CADPS: variants seen among roughly 807,000 people sequenced by gnomAD.
The protein encoded by CADPS is calcium-dependent secretion activator 1.
In CADPS, 57 loss-of-function variants were observed where a neutral mutation model predicts 167.3. The observed-to-expected ratio is 0.34, with a 90% CI of 0.28 to 0.42. The LOEUF (loss-of-function observed/expected upper bound fraction) is 0.42. Among genes scored for constraint, CADPS ranks in the 20% least tolerant of loss-of-function variants. CADPS has a pLI of 1.00. For synonymous variants in CADPS, 676 were observed against 635.3 expected (o/e 1.06, Z -0.96); for missense variants, 1,414 against 1,738.1 (o/e 0.81, Z 3.32).
chr3:62,445,727 CAAAA>C (rs760770945), intron 27 of CADPS, 34 bp downstream of exon 27: 2 of 928,142 alleles, frequency 2.2e-6, no homozygotes, highest in African/African-American at 2.1e-5. Flanking sequence ...AAAAAAAAAA[CAAAA>C]AAACCCCATG....
intron 10 of CADPS, among the ~76,000 whole-genome samples, chr3:62,553,807 C>T (rs564697773): frequency 1.3e-5 from 2 of 152,282 alleles, no homozygotes; most frequent in East Asian, 3.9e-4. Flanking sequence ...TGAAGATCCA[C>T]ATGTCATAAC....
At chr3:62,774,327 T>TA (rs759046763) in intron 1 of CADPS, among the ~76,000 whole-genome samples, 238 of 145,922 alleles carry the variant, frequency 1.6e-3, no homozygotes, top group East Asian at 8.7e-3. Flanking sequence ...GGCACTCAGT[T>TA]AAAAAAAAAA....
At position 62,399,330 on chromosome 3, in the gene CADPS, A is replaced by C; in HGVS notation, c.*76T>G. The C allele has an allele frequency of 7.2e-7, 1 of 1,397,906 alleles. No individual in the cohort carries two copies. The highest frequency in any genetic ancestry group is 2.3e-5 in the East Asian group (1 of 43,156). 86.6% of individuals were successfully genotyped at this position (1,397,906 alleles called of 1,614,324 possible). A position where few individuals can be genotyped will look rare whatever the true frequency, so the allele number is the denominator to read the frequency against. Reference sequence around the variant, plus strand: ...GCATGGTAGTTGACAGAAAATTCCTAATGGGTTTAACTAACAGACTAAGGA... The same window carrying C: ...GCATGGTAGTTGACAGAAAATTCCTCATGGGTTTAACTAACAGACTAAGGA... On this transcript the variant is annotated 3_prime_UTR_variant, in exon 30 of 30. Transcript: ENST00000383710. This position sits in a 1 kb window ranked among gnomAD's most constrained non-coding sequence, Gnocchi z 5.6.
At chr3:62,550,811 G>A (rs1577618814) in intron 10 of CADPS, 2 of 456,620 alleles carry the variant, frequency 4.4e-6, no homozygotes, top group Non-Finnish European at 8.8e-6. Context: ...TCCAATGACT[G>A]ATTAAAAGCC....
chr3:62,478,532 A>C lies in CADPS; in HGVS notation c.3174-116T>G. 1.1e-6 allele frequency: 1 copy of C among 933,750 alleles called. No homozygotes were observed. The highest frequency in any genetic ancestry group is 1.6e-6 in the Non-Finnish European group (1 of 622,126). 57.8% of individuals were successfully genotyped at this position (933,750 alleles called of 1,614,324 possible). The stretch of plus-strand genomic sequence containing the variant: ...AACAGCAGCTTCAACATACAAAACA[A>C]CGTGTGTTGGCGGTGGAGGCGGGGG... On this transcript the variant is annotated intron_variant, in intron 22 of 29. Transcript: ENST00000383710. This position sits in a 1 kb window ranked among gnomAD's most constrained non-coding sequence, Gnocchi z 5.7.
Position 62,438,478 on chromosome 3 carries a change from T to C in CADPS, c.3670-267A>G. On this transcript the variant is annotated intron_variant, in intron 27 of 29. Coordinates refer to ENST00000383710, the MANE Select transcript of CADPS (RefSeq NM_003716.4). This position sits in a 1 kb window ranked among gnomAD's most constrained non-coding sequence, Gnocchi z 4.7. ...AGTTTTTCTATGATAAATTTTTTCC[T>C]GGCAAATTTATCTAATGGATAAATC... 2 of 391,942 alleles carry C rather than the reference T, an allele frequency of 5.1e-6. No individual in the cohort carries two copies. Among genetic ancestry groups the C allele is most frequent in the Non-Finnish European group, 9.4e-6 (2 of 212,532 alleles). The allele number at this position is 391,942 out of a possible 1,614,324, so 24.3% of individuals were successfully genotyped here.
chr3:62,626,516 G>A (rs1315520439), intron 6 of CADPS: 2 of 702,816 alleles, frequency 2.8e-6, no homozygotes, highest in South Asian at 3.0e-5. Context: ...ATGGCACAAA[G>A]ACGGGACATC....
intron 1 of CADPS, among the ~76,000 whole-genome samples, chr3:62,809,240 T>C (rs2094274002): frequency 6.6e-6 from 1 of 152,184 alleles, no homozygotes; most frequent in African/African-American, 2.4e-5. Flanking sequence ...TGAATCACGT[T>C]GCTCCTCCTG....
At chr3:62,490,747 A>G (rs1335575646) in intron 21 of CADPS, among the ~76,000 whole-genome samples, 1 of 151,992 alleles carries the variant, frequency 6.6e-6, no homozygotes, top group East Asian at 1.9e-4. Flanking sequence ...GGTTTTTTTT[A>G]AAAAGGTGCA....
intron 1 of CADPS, among the ~76,000 whole-genome samples, chr3:62,790,930 ATAATTCTGTGT>A (rs974698881): frequency 2.0e-4 from 30 of 151,986 alleles, no homozygotes; most frequent in African/African-American, 6.3e-4. Context: ...TACCGTCATG[ATAATTCTGTGT>A]TATTTTAAAA....
chr3:62,452,931 TA>T (rs1453018786), intron 26 of CADPS, among the ~76,000 whole-genome samples: 1 of 151,686 alleles, frequency 6.6e-6, no homozygotes, highest in Non-Finnish European at 1.5e-5. Flanking sequence ...CTGGGCAAAA[TA>T]GGGAGACCTC....
intron 1 of CADPS, among the ~76,000 whole-genome samples, chr3:62,825,449 C>G (rs1339378417): frequency 6.6e-6 from 1 of 152,106 alleles, no homozygotes; most frequent in Non-Finnish European, 1.5e-5. Context: ...CTCTGAAACT[C>G]CGGGCGTGGA....
At chr3:62,482,214 T>C (rs2062118296) in intron 21 of CADPS, among the ~76,000 whole-genome samples, 1 of 152,164 alleles carries the variant, frequency 6.6e-6, no homozygotes, top group Non-Finnish European at 1.5e-5. Context: ...CTGGAATTCT[T>C]GGTGTGGCTG....
At chr3:62,756,314 G>A (rs753500485) in intron 2 of CADPS, among the ~76,000 whole-genome samples, 1 of 152,116 alleles carries the variant, frequency 6.6e-6, no homozygotes, top group Non-Finnish European at 1.5e-5. Flanking sequence ...TGATACACCC[G>A]CCTGGGCTTC....
rs1473485010 is a variant in CADPS, at chr3:62,404,664, A to G, written c.3778-1479T>C. On this transcript the variant is annotated intron_variant, in intron 28 of 29. Coordinates refer to ENST00000383710, the MANE Select transcript of CADPS (RefSeq NM_003716.4). ...GAGACCACACTACCCCAATCGAGGC[A>G]GCACTGCAGCCTCACAGCCAGCTTC... The G allele has an allele frequency of 3.9e-5, 6 of 152,076 alleles. 1 individual carries two copies. The highest frequency in any genetic ancestry group is 1.5e-5 in the Non-Finnish European group (1 of 68,024). The allele number at this position is 152,076 out of a possible 1,614,324, so 9.4% of individuals were successfully genotyped here. A position where few individuals can be genotyped will look rare whatever the true frequency, so the allele number is the denominator to read the frequency against.
At chr3:62,556,711 G>C (rs949112361) in intron 10 of CADPS, among the ~76,000 whole-genome samples, 1 of 151,894 alleles carries the variant, frequency 6.6e-6, no homozygotes, top group African/African-American at 2.4e-5. Flanking sequence ...AAAATGGGTG[G>C]GGGGAGAGGT....
At chr3:62,741,856 A>G (rs1055424646) in intron 3 of CADPS, among the ~76,000 whole-genome samples, 1 of 152,210 alleles carries the variant, frequency 6.6e-6, no homozygotes, top group South Asian at 2.1e-4. Flanking sequence ...AGATGACATG[A>G]TCCTATATCT....
intron 5 of CADPS, among the ~76,000 whole-genome samples, chr3:62,647,911 A>G (rs1360077384): frequency 1.3e-5 from 2 of 152,138 alleles, no homozygotes; most frequent in Non-Finnish European, 2.9e-5. Context: ...GCATTCTACA[A>G]ACACCTGTTG....
At chr3:62,664,618 T>C (rs934321557) in intron 3 of CADPS, among the ~76,000 whole-genome samples, 1 of 152,212 alleles carries the variant, frequency 6.6e-6, no homozygotes, top group African/African-American at 2.4e-5. Flanking sequence ...TCAAAATACA[T>C]ATGCAAATGA....
Sources: allele counts gnomAD v4.1 joint callset (sites outside exome capture counted in the v4.1 genomes callset), GRCh38; gene constraint gnomAD v4.1.1; non-coding constraint Gnocchi (gnomAD v3.1); transcripts MANE v1.5; gene names NCBI Gene and HGNC (gene_info 2026-07-23, HGNC 2026-07-21).